Variants in ZNF827 observed in about 807,000 individuals in gnomAD.
ZNF827 encodes zinc finger protein 827.
A neutral mutation model predicts 102.4 loss-of-function variants in ZNF827; 13 were observed. That is an observed-to-expected ratio of 0.13 (90% CI 0.08 to 0.20). The LOEUF (loss-of-function observed/expected upper bound fraction) is 0.20, where lower values mean the gene tolerates loss of function less well. ZNF827 is among the 10% of genes least tolerant of loss of function. ZNF827 has a pLI of 1.00. For synonymous variants in ZNF827, 523 were observed against 536.2 expected, an observed-to-expected ratio of 0.98 and a Z score of 0.34; for missense variants, 1,103 against 1,344.4, an observed-to-expected ratio of 0.82 and a Z score of 2.81.
At chr4:145,844,334 C>T (rs760538536) in intron 7 of ZNF827, among the ~76,000 whole-genome samples, 3 of 151,814 alleles carry the variant, frequency 2.0e-5, no homozygotes, top group Non-Finnish European at 4.4e-5. Flanking sequence ...AAGACTAATA[C>T]ATACCACTCT....
intron 1 of ZNF827, among the ~76,000 whole-genome samples, chr4:145,911,696 C>T (rs955218815): frequency 1.3e-5 from 2 of 152,098 alleles, no homozygotes; most frequent in African/African-American, 4.8e-5. Flanking sequence ...TAGAGAGGGC[C>T]ATAGATTTGC....
At chr4:145,849,923 G>A (rs1458564125) in intron 5 of ZNF827, among the ~76,000 whole-genome samples, 1 of 152,134 alleles carries the variant, frequency 6.6e-6, no homozygotes, top group Non-Finnish European at 1.5e-5. Flanking sequence ...GAGAGGACAC[G>A]GTAAGTGTTT....
At chr4:145,780,351 A>G (rs1265551345) in intron 8 of ZNF827, among the ~76,000 whole-genome samples, 2 of 152,234 alleles carry the variant, frequency 1.3e-5, no homozygotes, top group Non-Finnish European at 2.9e-5. Context: ...ATCCTTAATG[A>G]GGAATTTGTG....
intron 1 of ZNF827, among the ~76,000 whole-genome samples, chr4:145,917,700 C>CAAAAAAAAAAAAA (rs763617063): frequency 1.9e-4 from 9 of 46,848 alleles, no homozygotes; most frequent in African/African-American, 3.0e-4. Flanking sequence ...GGTAGCTGGT[C>CAAAAAAAAAAAAA]AAAAAAAAAA....
At position 145,764,097 on chromosome 4, in the gene ZNF827, GT is replaced by G. The variant is rs144945087; in HGVS notation, c.3230+890del. On this transcript the variant is annotated intron_variant, in intron 13 of 14. Coordinates refer to ENST00000508784, the MANE Select transcript of ZNF827 (RefSeq NM_001306215.2). ...TGACGAACATGTTTTAAAACAAAAG[GT>G]TTTTTCCCCCTTGTGTTAAGTAAAA... 4.3e-4 allele frequency among the ~76,000 whole-genome samples: 66 copies of G among 152,258 alleles called. 1 individual carries two copies. In the East Asian group the frequency reaches 8.3e-3, roughly 19 times the overall value.
chr4:145,834,335 C>T (rs780969774), intron 7 of ZNF827, among the ~76,000 whole-genome samples: 14 of 152,110 alleles, frequency 9.2e-5, no homozygotes, highest in Non-Finnish European at 1.9e-4. Flanking sequence ...CCGCCTGTCC[C>T]CTCAGTATTA....
chr4:145,917,825 T>G (rs1035698320), intron 1 of ZNF827, among the ~76,000 whole-genome samples: 6 of 152,024 alleles, frequency 3.9e-5, no homozygotes, highest in African/African-American at 9.7e-5. Context: ...GGGTGACTGT[T>G]AAGTGCCCTA....
intron 1 of ZNF827, among the ~76,000 whole-genome samples, chr4:145,908,246 CT>C (rs1320579091): frequency 6.6e-6 from 1 of 152,314 alleles, no homozygotes; most frequent in East Asian, 1.9e-4. Flanking sequence ...AGTCCCATTT[CT>C]AAATCTACTC....
intron 5 of ZNF827, among the ~76,000 whole-genome samples, chr4:145,867,829 G>A (rs928649609): frequency 5.9e-5 from 9 of 152,214 alleles, no homozygotes; most frequent in Admixed American, 4.6e-4. Context: ...AACTGGTGGT[G>A]TAGCCCTGTC....
At chr4:145,923,719 T>A (rs191140105) in intron 1 of ZNF827, among the ~76,000 whole-genome samples, 1 of 152,218 alleles carries the variant, frequency 6.6e-6, no homozygotes, top group African/African-American at 2.4e-5. Flanking sequence ...AAATCTCTTT[T>A]GGAAAATATA....
At chr4:145,838,849 C>G (rs1351262208) in intron 7 of ZNF827, among the ~76,000 whole-genome samples, 2 of 152,166 alleles carry the variant, frequency 1.3e-5, no homozygotes, top group Non-Finnish European at 2.9e-5. Flanking sequence ...AAATAAGTTA[C>G]TTTTAAAAGT....
At position 145,775,913 on chromosome 4, in the gene ZNF827, G is replaced by C. The variant is rs760886857; in HGVS notation, c.2569C>G (p.Arg857Gly). ...GTCAAGTGCTGGTTCAGATTTGCACGGCACTTAGCAGCATAGGGGCACAAG... is the reference window on the plus strand; with the variant it reads ...GTCAAGTGCTGGTTCAGATTTGCACCGCACTTAGCAGCATAGGGGCACAAG... ...CHLCPYAAKC[R>G]ANLNQHLTVH... Residue 857 changes from arginine (R) to glycine (G), a missense_variant, in exon 10 of 15, where the codon CGT becomes GGT. Arg to Gly is a moderately radical substitution (Grantham distance 125). Around this residue, in one of 5 missense-constraint regions of ZNF827, gnomAD observed 242 missense variants for 361.9 expected, o/e 0.67. Transcript: ENST00000508784. The C allele has an allele frequency of 6.2e-7, 1 of 1,614,022 alleles. No homozygotes were observed. The highest frequency in any genetic ancestry group is 1.3e-5 in the African/African-American group (1 of 74,900).
At chr4:145,922,749 A>G (rs978846648) in intron 1 of ZNF827, among the ~76,000 whole-genome samples, 1 of 152,234 alleles carries the variant, frequency 6.6e-6, no homozygotes, top group Non-Finnish European at 1.5e-5. Flanking sequence ...CTTTTAATTG[A>G]AAGGATAACT....
chr4:145,826,961 G>A (rs1743745946), intron 7 of ZNF827, among the ~76,000 whole-genome samples: 1 of 151,990 alleles, frequency 6.6e-6, no homozygotes, highest in South Asian at 2.1e-4. Flanking sequence ...TGGCCAGGCT[G>A]GTCTCGATTT....
chr4:145,889,675 C>A (rs1171574939), intron 3 of ZNF827, among the ~76,000 whole-genome samples: 2 of 151,396 alleles, frequency 1.3e-5, no homozygotes, highest in African/African-American at 2.4e-5. Flanking sequence ...AGGCAGAATT[C>A]ATTAAGAAAA....
chr4:145,917,927 T>G (rs1361000435), intron 1 of ZNF827, among the ~76,000 whole-genome samples: 1 of 152,124 alleles, frequency 6.6e-6, no homozygotes, highest in African/African-American at 2.4e-5. Context: ...TATAAGAATT[T>G]CATTAACCAG....
chr4:145,838,352 T>C (rs1487746757), intron 7 of ZNF827, among the ~76,000 whole-genome samples: 1 of 152,044 alleles, frequency 6.6e-6, no homozygotes, highest in Non-Finnish European at 1.5e-5. Flanking sequence ...TGTAATTTTC[T>C]TTTACCTACC....
At chr4:145,796,894 A>G (rs1320244524) in intron 8 of ZNF827, among the ~76,000 whole-genome samples, 1 of 151,956 alleles carries the variant, frequency 6.6e-6, no homozygotes, top group African/African-American at 2.4e-5. Flanking sequence ...GCCTCCCAAA[A>G]TGCTGGGATT....
chr4:145,919,400 C>T (rs1475860749), intron 1 of ZNF827, among the ~76,000 whole-genome samples: 3 of 152,198 alleles, frequency 2.0e-5, no homozygotes, highest in Non-Finnish European at 2.9e-5. Context: ...TCCCAAGTCC[C>T]ACATATACTC....
Sources: gnomAD v4.1 joint callset for allele counts (sites outside exome capture counted in the v4.1 genomes callset) on GRCh38, gnomAD v4.1.1 for gene constraint, gnomAD v4.1.1 regional missense constraint, MANE v1.5 for transcripts, NCBI Gene and HGNC (gene_info 2026-07-23, HGNC 2026-07-21) for gene names.